The following TNRC6A variants were observed in gnomAD, a reference collection of about 807,000 sequenced individuals.
TNRC6A encodes the protein trinucleotide repeat containing adaptor 6A.
TNRC6A carries 44 observed loss-of-function variants against 221.2 expected under a neutral mutation model. The ratio of observed to expected loss-of-function variants is 0.20; its 90% CI spans 0.16 to 0.26. The LOEUF is 0.26. TNRC6A is among the 10% of genes least tolerant of loss of function. The probability of loss-of-function intolerance (pLI) is 1.00; values close to 1 mark genes in which losing one functional copy is unlikely to be tolerated. For synonymous variants in TNRC6A, 847 were observed against 838.5 expected (o/e 1.01, Z -0.18); for missense variants, 2,199 against 2,404.4 (o/e 0.91, Z 1.79).
chr16:24,711,848 A>G (rs563363311), intron 2 of TNRC6A, among the ~76,000 whole-genome samples: 1 of 152,080 alleles, frequency 6.6e-6, no homozygotes, highest in Non-Finnish European at 1.5e-5. Context: ...AAAAATAGAG[A>G]TGGAATCACA....
intron 2 of TNRC6A, among the ~76,000 whole-genome samples, chr16:24,648,523 G>GC (rs1902433064): frequency 6.6e-6 from 1 of 152,060 alleles, no homozygotes; most frequent in African/African-American, 2.4e-5. Flanking sequence ...ACCCGCCTTG[G>GC]CCTCCCAAAG....
chr16:24,615,427 G>C (rs1900291510), intron 1 of TNRC6A, among the ~76,000 whole-genome samples: 1 of 152,162 alleles, frequency 6.6e-6, no homozygotes, highest in Non-Finnish European at 1.5e-5. Context: ...TTGGAGACCA[G>C]CTGAGATCAC....
chr16:24,824,334 A>T lies in TNRC6A; in HGVS notation c.*527A>T, dbSNP rs891612633. The T allele has an allele frequency of 6.6e-6, 1 of 152,518 alleles. No individual in the cohort carries two copies. Among genetic ancestry groups the T allele is most frequent in the African/African-American group, 2.4e-5 (1 of 41,400 alleles). 9.4% of individuals were successfully genotyped at this position (152,518 alleles called of 1,614,324 possible). A position where few individuals can be genotyped will look rare whatever the true frequency, so the allele number is the denominator to read the frequency against. The stretch of plus-strand genomic sequence containing the variant: ...TTGATGTTGCCTACCTTATTGTGGT[A>T]TCGTGGAGTTTAAAAGATCAAGTTA... On this transcript the variant is annotated 3_prime_UTR_variant, in exon 25 of 25. Transcript: ENST00000395799.
chr16:24,780,488 G>T (rs1006341139), intron 5 of TNRC6A, among the ~76,000 whole-genome samples: 1 of 152,146 alleles, frequency 6.6e-6, no homozygotes, highest in Non-Finnish European at 1.5e-5. Context: ...GTTGTCCCAA[G>T]AATGTATTGC....
intron 23 of TNRC6A, among the ~76,000 whole-genome samples, 178 bp downstream of exon 23, chr16:24,822,325 T>C (rs1056373547): frequency 7.9e-5 from 12 of 152,206 alleles, no homozygotes; most frequent in Non-Finnish European, 1.8e-4. Context: ...GTTCACGCTG[T>C]AATGTGCCTG....
At chr16:24,691,510 T>C (rs1209287881) in intron 2 of TNRC6A, among the ~76,000 whole-genome samples, 1 of 152,130 alleles carries the variant, frequency 6.6e-6, no homozygotes, top group African/African-American at 2.4e-5. Context: ...GGCTCACACC[T>C]GTAATCCCAG....
chr16:24,615,064 CA>C (rs1354939104), intron 1 of TNRC6A, among the ~76,000 whole-genome samples: 1 of 151,100 alleles, frequency 6.6e-6, no homozygotes, highest in African/African-American at 2.4e-5. Context: ...GACTCTGTCT[CA>C]AAAAAATAAA....
chr16:24,735,993 C>T (rs1043738679), intron 2 of TNRC6A, among the ~76,000 whole-genome samples: 3 of 152,086 alleles, frequency 2.0e-5, no homozygotes, highest in Non-Finnish European at 4.4e-5. Context: ...GGTGAAACCC[C>T]ATCTTTACTA....
intron 2 of TNRC6A, among the ~76,000 whole-genome samples, chr16:24,642,454 C>A (rs1458458934): frequency 2.0e-5 from 3 of 152,040 alleles, no homozygotes; most frequent in African/African-American, 7.2e-5. Context: ...TGCAAGGCAT[C>A]AAATAGGGAC....
chr16:24,765,387 A>T (rs1242060509), intron 4 of TNRC6A, among the ~76,000 whole-genome samples: 1 of 152,204 alleles, frequency 6.6e-6, no homozygotes, highest in Non-Finnish European at 1.5e-5. Flanking sequence ...CAGAGAGTCA[A>T]GTCTAGTCAC....
At chr16:24,648,732 C>T (rs908832641) in intron 2 of TNRC6A, among the ~76,000 whole-genome samples, 1 of 152,162 alleles carries the variant, frequency 6.6e-6, no homozygotes, top group Non-Finnish European at 1.5e-5. Flanking sequence ...TTTGCAGTCT[C>T]CTAGTGTCAA....
At chr16:24,634,271 T>C (rs1322065554) in intron 1 of TNRC6A, among the ~76,000 whole-genome samples, 2 of 151,822 alleles carry the variant, frequency 1.3e-5, no homozygotes, top group Non-Finnish European at 2.9e-5. Flanking sequence ...TACAAAAAAA[T>C]ACAAAACAGA....
At chr16:24,798,215 G>T (rs1324749058) in intron 11 of TNRC6A, 1 of 308,848 alleles carries the variant, frequency 3.2e-6, no homozygotes, top group South Asian at 1.4e-4. Flanking sequence ...AGATTGGAGG[G>T]TATAGTCTTC....
chr16:24,647,184 G>T (rs1347751486), intron 2 of TNRC6A, among the ~76,000 whole-genome samples: 1 of 152,038 alleles, frequency 6.6e-6, no homozygotes, highest in Non-Finnish European at 1.5e-5. Context: ...TGCCCACCTT[G>T]GCCTCCCAAA....
chr16:24,742,569 T>G (rs1166479082), intron 2 of TNRC6A, among the ~76,000 whole-genome samples: 1 of 152,184 alleles, frequency 6.6e-6, no homozygotes, highest in Non-Finnish European at 1.5e-5. Context: ...AGTAGGACTG[T>G]TTTTTGTCTC....
chr16:24,823,514 C>T lies in TNRC6A; in HGVS notation c.5596C>T (p.Leu1866=), dbSNP rs1322993381. 4.3e-6 allele frequency: 7 copies of T among 1,614,082 alleles called. No homozygotes were observed. Among genetic ancestry groups the T allele is most frequent in the Non-Finnish European group, 5.9e-6 (7 of 1,180,038 alleles). Residue 1866 remains leucine (L), a synonymous_variant, in exon 25 of 25, where the codon CTG becomes TTG. Coordinates refer to ENST00000395799, the MANE Select transcript of TNRC6A (RefSeq NM_014494.4). This position sits in a 1 kb window ranked among gnomAD's most constrained non-coding sequence, Gnocchi z 4.3. ...ISRFFAQSQS[L]TPSPGWQSLG... ...TCGTTTCTTTGCACAAAGCCAGTCT[C>T]TGACCCCTTCTCCCGGCTGGCAGTC...
intron 6 of TNRC6A, 21 bp from the exon 7 acceptor site, chr16:24,793,452 C>A: frequency 7.2e-7 from 1 of 1,388,398 alleles, no homozygotes; most frequent in East Asian, 2.7e-5. Flanking sequence ...CTGATGACTT[C>A]TTTTCCCACA....
chr16:24,753,031 C>T (rs1036505903), intron 3 of TNRC6A, among the ~76,000 whole-genome samples: 2 of 152,132 alleles, frequency 1.3e-5, no homozygotes, highest in African/African-American at 2.4e-5. Flanking sequence ...ACAGCAATGG[C>T]TCTAATTGTT....
intron 2 of TNRC6A, among the ~76,000 whole-genome samples, chr16:24,738,266 C>T (rs775597537): frequency 6.6e-6 from 1 of 152,144 alleles, no homozygotes; most frequent in Non-Finnish European, 1.5e-5. Context: ...TTTCTCTCAA[C>T]TTTTAAATAA....
Sources: gnomAD v4.1 joint callset for allele counts (sites outside exome capture counted in the v4.1 genomes callset) on GRCh38, gnomAD v4.1.1 for gene constraint, Gnocchi (gnomAD v3.1) non-coding constraint, MANE v1.5 for transcripts, NCBI Gene and HGNC (gene_info 2026-07-23, HGNC 2026-07-21) for gene names.